MARCHF1: variants seen among roughly 807,000 people sequenced by gnomAD.
MARCHF1 encodes membrane associated ring-CH-type finger 1, also known as E3 ubiquitin-protein ligase MARCHF1.
A neutral mutation model predicts 54.2 loss-of-function variants in MARCHF1; 40 were observed. The ratio of observed to expected loss-of-function variants is 0.74; its 90% CI spans 0.57 to 0.96. The LOEUF (loss-of-function observed/expected upper bound fraction) is 0.96, where lower values mean the gene tolerates loss of function less well. Among genes scored for constraint, MARCHF1 ranks in the 40% least tolerant of loss-of-function variants. MARCHF1 has a pLI of 0.00. For missense variants in MARCHF1, 586 were observed against 656.5 expected (o/e 0.89, Z 1.17); for synonymous variants, 236 against 236.3 (o/e 1.00, Z 0.01).
At chr4:164,108,542 A>C (rs949855451) in intron 2 of MARCHF1, among the ~76,000 whole-genome samples, 4 of 152,052 alleles carry the variant, frequency 2.6e-5, no homozygotes, top group Admixed American at 6.6e-5. Flanking sequence ...CCCACATTTA[A>C]TTTTTATATA....
intron 1 of MARCHF1, among the ~76,000 whole-genome samples, chr4:164,115,598 GA>G (rs1228120013): frequency 1.3e-4 from 20 of 152,042 alleles, no homozygotes; most frequent in Admixed American, 1.3e-3. Flanking sequence ...ATACAAAACT[GA>G]AGAGACATTG....
chr4:164,356,841 C>T (rs1228660020), intron 1 of MARCHF1, among the ~76,000 whole-genome samples: 1 of 147,498 alleles, frequency 6.8e-6, no homozygotes, highest in East Asian at 2.0e-4. Flanking sequence ...TCTATTACTG[C>T]ACAAATCAGA....
chr4:163,929,929 TA>T (rs1751620147), intron 3 of MARCHF1, among the ~76,000 whole-genome samples: 2 of 75,156 alleles, frequency 2.7e-5, no homozygotes, highest in African/African-American at 9.0e-5. Context: ...ATATATATAA[TA>T]TATTATATAT....
chr4:163,632,728 A>G (rs899902909), intron 5 of MARCHF1, among the ~76,000 whole-genome samples: 36 of 152,372 alleles, frequency 2.4e-4, no homozygotes, highest in African/African-American at 8.7e-4. Context: ...GGAAGCTCGA[A>G]CTGGGTGGAG....
chr4:164,235,712 C>T (rs191860301), intron 1 of MARCHF1, among the ~76,000 whole-genome samples: 28 of 151,414 alleles, frequency 1.8e-4, no homozygotes, highest in African/African-American at 4.6e-4. Context: ...CAGAGTGATA[C>T]AGTGGACTTT....
chr4:163,636,075 G>A (rs1742308496), intron 5 of MARCHF1, among the ~76,000 whole-genome samples: 1 of 152,138 alleles, frequency 6.6e-6, no homozygotes, highest in South Asian at 2.1e-4. Context: ...CAATAAATTA[G>A]GTATCGATGG....
At chr4:163,726,118 A>G (rs745664274) in intron 4 of MARCHF1, among the ~76,000 whole-genome samples, 1 of 152,180 alleles carries the variant, frequency 6.6e-6, no homozygotes, top group Non-Finnish European at 1.5e-5. Context: ...ATGAATGTAC[A>G]CTGACACATC....
chr4:164,088,456 G>A (rs1187437217), intron 2 of MARCHF1, among the ~76,000 whole-genome samples: 1 of 152,174 alleles, frequency 6.6e-6, no homozygotes, highest in African/African-American at 2.4e-5. Flanking sequence ...TAAATCCAAT[G>A]GCCAGGTGTG....
intron 5 of MARCHF1, among the ~76,000 whole-genome samples, chr4:163,644,590 C>T (rs1420317481): frequency 2.0e-5 from 3 of 152,142 alleles, no homozygotes; most frequent in Non-Finnish European, 4.4e-5. Flanking sequence ...ACCCCCTCTG[C>T]TATGGTCAGA....
chr4:164,003,778 A>T (rs1304357654), intron 2 of MARCHF1, among the ~76,000 whole-genome samples: 1 of 152,148 alleles, frequency 6.6e-6, no homozygotes, highest in Non-Finnish European at 1.5e-5. Flanking sequence ...CAGCAATCCC[A>T]TTACTAGGTA....
At chr4:164,138,906 G>T (rs568221865) in intron 1 of MARCHF1, among the ~76,000 whole-genome samples, 18 of 152,148 alleles carry the variant, frequency 1.2e-4, no homozygotes, top group Non-Finnish European at 1.9e-4. Flanking sequence ...TACTGAGTTG[G>T]TAAGGCATGG....
At chr4:163,891,367 A>G (rs189231795) in intron 3 of MARCHF1, among the ~76,000 whole-genome samples, 2 of 152,286 alleles carry the variant, frequency 1.3e-5, no homozygotes, top group African/African-American at 4.8e-5. Flanking sequence ...AAAAAACACA[A>G]AACTGAGATT....
chr4:163,549,680 ATT>A (rs34896630), intron 8 of MARCHF1, among the ~76,000 whole-genome samples: 82,580 of 144,560 alleles, frequency 0.57, 23,496 homozygotes, highest in Middle Eastern at 0.63. Context: ...CTTGCTTTTG[ATT>A]TTTTTTTTTT....
At chr4:164,204,247 T>C (rs572218797) in intron 1 of MARCHF1, among the ~76,000 whole-genome samples, 1 of 152,326 alleles carries the variant, frequency 6.6e-6, no homozygotes, top group South Asian at 2.1e-4. Context: ...AACAAACTGA[T>C]AGTTCACCAT....
chr4:164,151,081 G>A (rs1287189939), intron 1 of MARCHF1, among the ~76,000 whole-genome samples: 1 of 152,180 alleles, frequency 6.6e-6, no homozygotes, highest in Non-Finnish European at 1.5e-5. Context: ...TCTTCCTAGA[G>A]CCTCCAGAAA....
chr4:164,105,521 T>A (rs1479426740), intron 2 of MARCHF1, among the ~76,000 whole-genome samples: 6 of 117,582 alleles, frequency 5.1e-5, no homozygotes, highest in Middle Eastern at 4.4e-3. Context: ...GGGAAAGGAT[T>A]CCCTATTTAA....
In MARCHF1 at chr4:164,184,190, A is replaced by C. The variant is rs146806362; in HGVS notation, c.-322-72528T>G. Reference sequence around the variant, plus strand: ...AAGCTGGTTTGCTCAACACCACAATATGAGATTTTACAACTTTTTCCCGAT... The same window carrying C: ...AAGCTGGTTTGCTCAACACCACAATCTGAGATTTTACAACTTTTTCCCGAT... On this transcript the variant is annotated intron_variant, in intron 1 of 9. Transcript: ENST00000514618. Among the ~76,000 whole-genome samples the C allele has an allele frequency of 3.4e-3, 517 of 152,294 alleles. 2 individuals are homozygous for C. The highest frequency in any genetic ancestry group is 6.2e-3 in the Non-Finnish European group (425 of 68,012).
At chr4:163,913,127 A>T (rs1751231197) in intron 3 of MARCHF1, among the ~76,000 whole-genome samples, 1 of 152,224 alleles carries the variant, frequency 6.6e-6, no homozygotes, top group Admixed American at 6.5e-5. Flanking sequence ...ACAAAATTAT[A>T]GAAACATGGC....
chr4:163,720,461 T>C (rs1334370473), intron 4 of MARCHF1, among the ~76,000 whole-genome samples: 1 of 152,236 alleles, frequency 6.6e-6, no homozygotes, highest in South Asian at 2.1e-4. Context: ...TCAGGTAGTG[T>C]GATGCCTCCG....
Sources: gnomAD v4.1 joint callset for allele counts (sites outside exome capture counted in the v4.1 genomes callset) on GRCh38, gnomAD v4.1.1 for gene constraint, MANE v1.5 for transcripts, NCBI Gene and HGNC (gene_info 2026-07-23, HGNC 2026-07-21) for gene names.